The following LRRTM4 variants were observed in gnomAD, a reference collection of about 807,000 sequenced individuals.
The protein encoded by LRRTM4 is leucine rich repeat transmembrane neuronal 4.
A neutral mutation model predicts 47.6 loss-of-function variants in LRRTM4; 25 were observed. The ratio of observed to expected loss-of-function variants is 0.53; its 90% CI spans 0.38 to 0.73. The LOEUF is 0.73. Ranked by LOEUF, LRRTM4 falls within the 30% of genes least tolerant of loss-of-function variation. The probability of loss-of-function intolerance (pLI) is 0.00; values close to 1 mark genes in which losing one functional copy is unlikely to be tolerated. For synonymous variants in LRRTM4, 311 were observed against 269.5 expected (o/e 1.15, Z -1.51); for missense variants, 638 against 713.4 (o/e 0.89, Z 1.20).
intron 3 of LRRTM4, among the ~76,000 whole-genome samples, chr2:76,933,437 T>C (rs1230249152): frequency 6.6e-6 from 1 of 152,070 alleles, no homozygotes; most frequent in East Asian, 1.9e-4. Flanking sequence ...GCTGTAAGGA[T>C]CAAATTTTAC....
intron 3 of LRRTM4, among the ~76,000 whole-genome samples, chr2:76,974,203 TA>T (rs1558771648): frequency 1.2e-5 from 1 of 80,242 alleles, no homozygotes; most frequent in Non-Finnish European, 2.3e-5. Context: ...TATACATATA[TA>T]TATATACACA....
chr2:76,916,627 A>C (rs1444251923), intron 3 of LRRTM4, among the ~76,000 whole-genome samples: 2 of 152,082 alleles, frequency 1.3e-5, no homozygotes, highest in Non-Finnish European at 2.9e-5. Context: ...GAATGGAGGG[A>C]AAAACATCAC....
chr2:77,045,486 G>A (rs1679203283), intron 3 of LRRTM4, among the ~76,000 whole-genome samples: 1 of 151,914 alleles, frequency 6.6e-6, no homozygotes, highest in African/African-American at 2.4e-5. Context: ...ATTCGGTTAG[G>A]CTGTGTCCCC....
Position 77,244,101 on chromosome 2 carries a change from C to T in LRRTM4, c.1551+274217G>A, listed in dbSNP as rs1573131780. 3.0e-5 allele frequency among the ~76,000 whole-genome samples: 4 copies of T among 133,588 alleles called. No homozygotes were observed. The East Asian group carries it at 8.1e-4, about 27-fold the overall frequency. 87.6% of individuals were successfully genotyped at this position (133,588 alleles called of 152,430 possible). A position where few individuals can be genotyped will look rare whatever the true frequency, so the allele number is the denominator to read the frequency against. Reference sequence around the variant, plus strand: ...CATGTCCCTACAAAGGACATGAACTCATCATTTTTTATGGCTGCATAGTAT... The same window carrying T: ...CATGTCCCTACAAAGGACATGAACTTATCATTTTTTATGGCTGCATAGTAT... On this transcript the variant is annotated intron_variant, in intron 3 of 3. Transcript: ENST00000409884.
intron 3 of LRRTM4, among the ~76,000 whole-genome samples, chr2:76,929,628 T>C (rs995172012): frequency 1.3e-5 from 2 of 152,144 alleles, no homozygotes; most frequent in Admixed American, 6.6e-5. Flanking sequence ...AGAGTAGACA[T>C]GTTTCTTTAA....
chr2:76,949,765 G>C (rs1217908442), intron 3 of LRRTM4, among the ~76,000 whole-genome samples: 1 of 151,886 alleles, frequency 6.6e-6, no homozygotes, highest in Non-Finnish European at 1.5e-5. Flanking sequence ...CATTAAGATA[G>C]TTTAAATCAC....
intron 3 of LRRTM4, among the ~76,000 whole-genome samples, chr2:77,131,084 T>C (rs1234568074): frequency 6.6e-6 from 1 of 151,746 alleles, no homozygotes; most frequent in Admixed American, 6.6e-5. Context: ...TCCGCCCGCC[T>C]CGGCCTCCCA....
intron 3 of LRRTM4, among the ~76,000 whole-genome samples, chr2:76,791,882 G>A (rs1489986482): frequency 6.6e-6 from 1 of 152,102 alleles, no homozygotes; most frequent in African/African-American, 2.4e-5. Flanking sequence ...TCAAACCCCA[G>A]AGAATTTTTG....
intron 3 of LRRTM4, among the ~76,000 whole-genome samples, chr2:77,219,221 C>G (rs10171271): frequency 0.69 from 105,004 of 152,086 alleles, 36,945 homozygotes; most frequent in African/African-American, 0.84. Flanking sequence ...ATATGGATTT[C>G]GGAGACCTAA....
intron 3 of LRRTM4, among the ~76,000 whole-genome samples, chr2:77,204,963 A>G (rs1177337241): frequency 1.3e-5 from 2 of 152,226 alleles, no homozygotes; most frequent in African/African-American, 4.8e-5. Flanking sequence ...CTAATGTGGA[A>G]GTATTACCAA....
At chr2:77,331,561 A>G (rs1446750617) in intron 3 of LRRTM4, among the ~76,000 whole-genome samples, 1 of 152,202 alleles carries the variant, frequency 6.6e-6, no homozygotes, top group Non-Finnish European at 1.5e-5. Flanking sequence ...GCTTATGAAC[A>G]TATCTAAATG....
intron 3 of LRRTM4, among the ~76,000 whole-genome samples, chr2:76,807,408 GTA>G (rs1217096293): frequency 0.036 from 1,444 of 40,242 alleles, 40 homozygotes; most frequent in African/African-American, 0.1. Flanking sequence ...ATGTATATAC[GTA>G]TATATATATA....
In LRRTM4 at chr2:77,073,015, T is replaced by C. The variant is rs1340861353; in HGVS notation, c.1552-324099A>G. Among the ~76,000 whole-genome samples, 4 of 152,212 alleles carry C rather than the reference T, an allele frequency of 2.6e-5. No homozygotes were observed. The South Asian group carries it at 6.2e-4, about 24-fold the overall frequency. On this transcript the variant is annotated intron_variant, in intron 3 of 3. Transcript: ENST00000409884. ...TGTGATGTTAATATCAATAGCCTCA[T>C]TGACATCAGTTGGGAGATCTTTCAG...
At chr2:77,014,507 T>TATATATATATGTATATATAC (rs561835417) in intron 3 of LRRTM4, among the ~76,000 whole-genome samples, 35 of 140,868 alleles carry the variant, frequency 2.5e-4, no homozygotes, top group African/African-American at 1.0e-3. Context: ...CCCTTTCATA[T>TATATATATATGTATATATAC]ATATATATAT....
chr2:77,436,715 C>T (rs1675614079), intron 3 of LRRTM4, among the ~76,000 whole-genome samples: 1 of 151,774 alleles, frequency 6.6e-6, no homozygotes, highest in East Asian at 1.9e-4. Context: ...AAAGACATAA[C>T]CAATACATTA....
intron 3 of LRRTM4, among the ~76,000 whole-genome samples, chr2:76,832,763 A>C (rs1467625755): frequency 6.6e-6 from 1 of 152,022 alleles, no homozygotes; most frequent in African/African-American, 2.4e-5. Context: ...CGTACCTAAA[A>C]ACTTCTAAAA....
At chr2:77,222,704 G>C (rs1350330859) in intron 3 of LRRTM4, among the ~76,000 whole-genome samples, 2 of 152,126 alleles carry the variant, frequency 1.3e-5, no homozygotes, top group Non-Finnish European at 2.9e-5. Context: ...CCGAAATTGA[G>C]GCAATAATTA....
At chr2:77,052,650 GTTT>G (rs1450120651) in intron 3 of LRRTM4, among the ~76,000 whole-genome samples, 1 of 151,714 alleles carries the variant, frequency 6.6e-6, no homozygotes, top group African/African-American at 2.4e-5. Context: ...TATATAACAG[GTTT>G]TATTATAACA....
At chr2:77,072,121 G>C (rs1192818294) in intron 3 of LRRTM4, among the ~76,000 whole-genome samples, 1 of 151,924 alleles carries the variant, frequency 6.6e-6, no homozygotes, top group Non-Finnish European at 1.5e-5. Flanking sequence ...GAAAAACTCA[G>C]AGTCATAAGA....
Sources: allele counts gnomAD v4.1 joint callset (sites outside exome capture counted in the v4.1 genomes callset), GRCh38; gene constraint gnomAD v4.1.1; transcripts MANE v1.5; gene names NCBI Gene and HGNC (gene_info 2026-07-23, HGNC 2026-07-21).